The following CREBRF variants were observed in gnomAD, a reference collection of about 807,000 sequenced individuals.
CREBRF encodes CREB3 regulatory factor.
Under a neutral mutation model 66.1 loss-of-function variants are expected in CREBRF, and 5 were observed. The ratio of observed to expected loss-of-function variants is 0.08; its 90% CI spans 0.04 to 0.16. The LOEUF is 0.16. Among genes scored for constraint, CREBRF ranks in the 10% least tolerant of loss-of-function variants. The pLI is 1.00. For missense variants in CREBRF, 531 were observed against 744.9 expected (o/e 0.71, Z 3.34); for synonymous variants, 229 against 264.4 (o/e 0.87, Z 1.30).
intron 2 of CREBRF, chr5:173,086,078 C>A: frequency 1.2e-6 from 1 of 855,308 alleles, no homozygotes; most frequent in South Asian, 1.3e-5. Flanking sequence ...CTCTACCAAT[C>A]ATAACTGTGA....
chr5:173,106,533 CA>C (rs1758754997), intron 4 of CREBRF, among the ~76,000 whole-genome samples: 1 of 152,140 alleles, frequency 6.6e-6, no homozygotes, highest in South Asian at 2.1e-4. Flanking sequence ...AGCAGTGCTA[CA>C]AAAGCTTGCC....
intron 2 of CREBRF, among the ~76,000 whole-genome samples, chr5:173,082,003 G>GTTTTTT (rs869148787): frequency 3.8e-4 from 30 of 78,076 alleles, no homozygotes; most frequent in Admixed American, 7.8e-4. Context: ...TCAAGGTTTA[G>GTTTTTT]TTTTTTTTTT....
At chr5:173,086,677 T>C in intron 3 of CREBRF, 51 bp downstream of exon 3, 1 of 1,524,356 alleles carries the variant, frequency 6.6e-7, no homozygotes, top group Non-Finnish European at 8.8e-7. Flanking sequence ...GGTAAAAGTT[T>C]GTGGGAGAGT....
chr5:173,132,168 C>T (rs1759444817), intron 8 of CREBRF, among the ~76,000 whole-genome samples: 2 of 146,702 alleles, frequency 1.4e-5, no homozygotes, highest in Admixed American at 6.9e-5. Flanking sequence ...TCATTGCAGT[C>T]TCTGCCTCCT....
At chr5:173,124,162 A>G (rs1305357514) in intron 8 of CREBRF, 1 of 152,210 alleles carries the variant, frequency 6.6e-6, no homozygotes, top group African/African-American at 2.4e-5. Context: ...TACACTTGAA[A>G]GTCAGTTTTA....
chr5:173,058,363 A>G (rs1241892840), intron 1 of CREBRF, among the ~76,000 whole-genome samples: 1 of 152,238 alleles, frequency 6.6e-6, no homozygotes, highest in East Asian at 1.9e-4. Flanking sequence ...ACTTAGGCGT[A>G]AGAACATGCC....
intron 4 of CREBRF, among the ~76,000 whole-genome samples, chr5:173,092,894 G>A (rs1758384849): frequency 6.6e-6 from 1 of 152,148 alleles, no homozygotes; most frequent in Non-Finnish European, 1.5e-5. Context: ...TTGGTTTACT[G>A]TACAACTCTA....
chr5:173,063,747 G>A (rs1581655028), intron 1 of CREBRF, among the ~76,000 whole-genome samples: 1 of 149,566 alleles, frequency 6.7e-6, no homozygotes, highest in Non-Finnish European at 1.5e-5. Flanking sequence ...TTTTTGAGGC[G>A]AGTCTTGCTC....
chr5:173,059,436 G>A (rs1054652480), intron 1 of CREBRF, among the ~76,000 whole-genome samples: 17 of 151,562 alleles, frequency 1.1e-4, no homozygotes, highest in African/African-American at 3.6e-4. Flanking sequence ...GGCTAATTTT[G>A]TATTTTTAGT....
chr5:173,065,873 GC>G (rs1012849976), intron 1 of CREBRF, among the ~76,000 whole-genome samples: 4 of 151,806 alleles, frequency 2.6e-5, no homozygotes, highest in Non-Finnish European at 5.9e-5. Flanking sequence ...CAGGGCTCAA[GC>G]CACCCACCCA....
rs773001420 is a variant in CREBRF at position 173,091,424 on chromosome 5, A to G, written c.1222+23A>G. ...CAGGTATTATAATGCTTGCAAGCTT[A>G]CCAGACTGACCTTTGTATTACTATT... On this transcript the variant is annotated intron_variant, in intron 4 of 8. Transcript: ENST00000296953. 5 of 1,600,764 alleles carry G rather than the reference A, an allele frequency of 3.1e-6. No individual in the cohort carries two copies. The African/African-American group carries it at 6.7e-5, about 21-fold the overall frequency.
chr5:173,111,286 T>A (rs1758864406), intron 6 of CREBRF, among the ~76,000 whole-genome samples: 1 of 152,158 alleles, frequency 6.6e-6, no homozygotes, highest in African/African-American at 2.4e-5. Context: ...TCTTCCTTTT[T>A]TTTTTTGAGA....
At chr5:173,078,257 G>A (rs1757829351) in intron 1 of CREBRF, among the ~76,000 whole-genome samples, 1 of 152,100 alleles carries the variant, frequency 6.6e-6, no homozygotes, top group Admixed American at 6.6e-5. Context: ...CTTAATTGGT[G>A]TGTCAAAAAT....
chr5:173,087,821 T>G (rs1451429853), intron 3 of CREBRF, among the ~76,000 whole-genome samples: 3 of 152,156 alleles, frequency 2.0e-5, no homozygotes, highest in Non-Finnish European at 4.4e-5. Context: ...TGCTTTTATT[T>G]ATTTATTTAT....
chr5:173,093,202 G>T (rs962311930), intron 4 of CREBRF, among the ~76,000 whole-genome samples: 1 of 152,120 alleles, frequency 6.6e-6, no homozygotes, highest in African/African-American at 2.4e-5. Flanking sequence ...GCCTTTAGCA[G>T]CTGGTGCTTA....
At chr5:173,084,317 AAAC>A (rs895062620) in intron 2 of CREBRF, among the ~76,000 whole-genome samples, 38 of 152,268 alleles carry the variant, frequency 2.5e-4, no homozygotes, top group Non-Finnish European at 4.1e-4. Context: ...AGAGGAGGAA[AAAC>A]AACAACAACA....
rs373582130 is a variant in CREBRF at position 173,065,800 on chromosome 5, G to C, written c.-192+9321G>C. ...TGAGACTACAGGTGTGTGCCACCAT[G>C]CCCAGCTAATTTTTTTTGTAGAGAC... On this transcript the variant is annotated intron_variant, in intron 1 of 8. Coordinates refer to ENST00000296953, the MANE Select transcript of CREBRF (RefSeq NM_153607.3). Among the ~76,000 whole-genome samples the C allele has an allele frequency of 6.6e-3, 995 of 150,288 alleles. 14 individuals are homozygous for C. The highest frequency in any genetic ancestry group is 0.023 in the African/African-American group (924 of 40,820).
At chr5:173,099,737 A>T (rs911512762) in intron 4 of CREBRF, among the ~76,000 whole-genome samples, 4 of 151,938 alleles carry the variant, frequency 2.6e-5, no homozygotes, top group African/African-American at 7.3e-5. Context: ...CTTTGTGATT[A>T]TCATGGGGCT....
At chr5:173,070,620 A>G (rs899467739) in intron 1 of CREBRF, among the ~76,000 whole-genome samples, 1 of 152,110 alleles carries the variant, frequency 6.6e-6, no homozygotes, top group Non-Finnish European at 1.5e-5. Flanking sequence ...TTCCCTAGAT[A>G]ATAATTACAT....
Sources: gnomAD v4.1 joint callset for allele counts (sites outside exome capture counted in the v4.1 genomes callset) on GRCh38, gnomAD v4.1.1 for gene constraint, MANE v1.5 for transcripts, NCBI Gene and HGNC (gene_info 2026-07-23, HGNC 2026-07-21) for gene names.